Variants in L3MBTL4 observed in about 807,000 individuals in gnomAD.
The protein encoded by L3MBTL4 is lethal(3)malignant brain tumor-like protein 4.
Under a neutral mutation model 84.5 loss-of-function variants are expected in L3MBTL4, and 70 were observed. That is an observed-to-expected ratio of 0.83 (90% confidence interval 0.68 to 1.01). The LOEUF (loss-of-function observed/expected upper bound fraction) is 1.01. L3MBTL4 is among the 50% of genes least tolerant of loss of function. The probability of loss-of-function intolerance (pLI) is 0.00; values close to 1 mark genes in which losing one functional copy is unlikely to be tolerated. For missense variants in L3MBTL4, 715 were observed against 754.8 expected, an observed-to-expected ratio of 0.95 and a Z score of 0.62; for synonymous variants, 274 against 259.8, an observed-to-expected ratio of 1.05 and a Z score of -0.52.
chr18:6,035,902 C>G (rs1434520143), intron 16 of L3MBTL4, among the ~76,000 whole-genome samples: 1 of 152,136 alleles, frequency 6.6e-6, no homozygotes, highest in Non-Finnish European at 1.5e-5. Context: ...CAAGAGCAAA[C>G]ACATTCAAAA....
At chr18:6,039,805 A>AT (rs2056319053) in intron 16 of L3MBTL4, among the ~76,000 whole-genome samples, 1 of 152,222 alleles carries the variant, frequency 6.6e-6, no homozygotes, top group African/African-American at 2.4e-5. Flanking sequence ...CTTTGTACCA[A>AT]TATCTAGAAC....
chr18:6,331,922 A>G (rs1254384864), intron 1 of L3MBTL4, among the ~76,000 whole-genome samples: 4 of 151,988 alleles, frequency 2.6e-5, no homozygotes, highest in Non-Finnish European at 5.9e-5. Context: ...TATATCCAAC[A>G]GTAGATTTAC....
At chr18:6,310,046 C>T (rs2050757246) in intron 3 of L3MBTL4, among the ~76,000 whole-genome samples, 1 of 152,134 alleles carries the variant, frequency 6.6e-6, no homozygotes, top group African/African-American at 2.4e-5. Flanking sequence ...TGGACTAGGG[C>T]CCAGGAATCT....
chr18:6,287,881 A>C (rs1172813181), intron 4 of L3MBTL4, among the ~76,000 whole-genome samples: 1 of 152,200 alleles, frequency 6.6e-6, no homozygotes, highest in Non-Finnish European at 1.5e-5. Context: ...TGTCTCTATA[A>C]AAATTTAGAA....
At chr18:6,329,480 A>G (rs2051912747) in intron 1 of L3MBTL4, among the ~76,000 whole-genome samples, 1 of 152,126 alleles carries the variant, frequency 6.6e-6, no homozygotes, top group Non-Finnish European at 1.5e-5. Flanking sequence ...CACTCTAGAA[A>G]TGGAATTACA....
chr18:5,993,580 C>T (rs1463941857), intron 16 of L3MBTL4, among the ~76,000 whole-genome samples: 1 of 152,120 alleles, frequency 6.6e-6, no homozygotes, highest in East Asian at 1.9e-4. Context: ...TAGGCATAAA[C>T]AGAGTCGTTA....
At chr18:6,001,739 T>C (rs1567969369) in intron 16 of L3MBTL4, among the ~76,000 whole-genome samples, 1 of 152,030 alleles carries the variant, frequency 6.6e-6, no homozygotes, top group Non-Finnish European at 1.5e-5. Flanking sequence ...AAATTGAGTA[T>C]GAGGAATATA....
chr18:6,244,123 A>G (rs749021660), intron 6 of L3MBTL4, among the ~76,000 whole-genome samples: 58 of 152,340 alleles, frequency 3.8e-4, no homozygotes, highest in Middle Eastern at 3.4e-3. Flanking sequence ...TATATAATTC[A>G]TATGCATTAA....
intron 16 of L3MBTL4, among the ~76,000 whole-genome samples, chr18:6,020,401 C>T (rs146754981): frequency 3.3e-4 from 50 of 152,148 alleles, no homozygotes; most frequent in East Asian, 1.7e-3. Context: ...GGGATAGAGA[C>T]GTGAGCAAGG....
chr18:6,331,028 C>A (rs2052005750), intron 1 of L3MBTL4, among the ~76,000 whole-genome samples: 1 of 151,882 alleles, frequency 6.6e-6, no homozygotes, highest in South Asian at 2.1e-4. Flanking sequence ...GAAAATACAG[C>A]AAAATTATTT....
intron 16 of L3MBTL4, among the ~76,000 whole-genome samples, chr18:5,983,471 C>T (rs1229127390): frequency 6.6e-6 from 1 of 152,012 alleles, no homozygotes. Flanking sequence ...AAAAGGCAAG[C>T]TGCTAACGTG....
chr18:5,970,380 C>G (rs2052582344), intron 16 of L3MBTL4, among the ~76,000 whole-genome samples: 1 of 152,222 alleles, frequency 6.6e-6, no homozygotes, highest in African/African-American at 2.4e-5. Context: ...TTCAGCCCCA[C>G]ACTTATCAAC....
At chr18:6,192,934 A>G (rs1233656708) in intron 12 of L3MBTL4, among the ~76,000 whole-genome samples, 3 of 152,184 alleles carry the variant, frequency 2.0e-5, no homozygotes, top group African/African-American at 7.2e-5. Context: ...AGAGAAAAAA[A>G]GAAAACAAGA....
intron 13 of L3MBTL4, among the ~76,000 whole-genome samples, chr18:6,148,436 T>C (rs1337493656): frequency 2.6e-5 from 4 of 151,990 alleles, no homozygotes; most frequent in Non-Finnish European, 5.9e-5. Flanking sequence ...TTTTGTTTTT[T>C]CTTTTTATGA....
intron 16 of L3MBTL4, among the ~76,000 whole-genome samples, chr18:6,066,471 G>A (rs1253113145): frequency 1.3e-5 from 2 of 152,184 alleles, no homozygotes; most frequent in African/African-American, 4.8e-5. Flanking sequence ...CCCACTATTA[G>A]TGTGTTGCTG....
At chr18:5,961,859 C>T (rs1265501328) in intron 17 of L3MBTL4, among the ~76,000 whole-genome samples, 7 of 152,176 alleles carry the variant, frequency 4.6e-5, no homozygotes, top group Admixed American at 2.6e-4. Context: ...TGTGGAATGC[C>T]GCTGGTCAAG....
At chr18:6,050,133 CTT>C (rs1344280590) in intron 16 of L3MBTL4, among the ~76,000 whole-genome samples, 1 of 152,074 alleles carries the variant, frequency 6.6e-6, no homozygotes, top group South Asian at 2.1e-4. Flanking sequence ...AGAGGCCAAA[CTT>C]TTTTTAAAAA....
chr18:6,275,491 C>CA (rs2146520360), intron 4 of L3MBTL4, among the ~76,000 whole-genome samples: 1 of 152,130 alleles, frequency 6.6e-6, no homozygotes, highest in South Asian at 2.1e-4. Context: ...ACATCAGGGG[C>CA]AAGTGGGAGG....
At chr18:6,368,751 A>G (rs1369487269) in intron 1 of L3MBTL4, among the ~76,000 whole-genome samples, 1 of 152,144 alleles carries the variant, frequency 6.6e-6, no homozygotes, top group Non-Finnish European at 1.5e-5. Flanking sequence ...ATAAAAGTCA[A>G]CGTCTGGAGG....
Sources: allele counts gnomAD v4.1 joint callset (sites outside exome capture counted in the v4.1 genomes callset), GRCh38; gene constraint gnomAD v4.1.1; transcripts MANE v1.5; gene names NCBI Gene and HGNC (gene_info 2026-07-23, HGNC 2026-07-21).